ARHGEF3: variants seen among roughly 807,000 people sequenced by gnomAD.
The protein encoded by ARHGEF3 is 59.8 kDA protein.
ARHGEF3 carries 28 observed loss-of-function variants against 63.2 expected under a neutral mutation model. The observed-to-expected ratio is 0.44, with a 90% CI of 0.33 to 0.61. The LOEUF (loss-of-function observed/expected upper bound fraction) is 0.61. Among genes scored for constraint, ARHGEF3 ranks in the 20% least tolerant of loss-of-function variants. ARHGEF3 has a pLI of 0.03. For missense variants in ARHGEF3, 533 were observed against 659.3 expected, an observed-to-expected ratio of 0.81 and a Z score of 2.10; for synonymous variants, 266 against 254.2, an observed-to-expected ratio of 1.05 and a Z score of -0.44.
intron 2 of ARHGEF3, among the ~76,000 whole-genome samples, chr3:56,982,556 G>C (rs1701365764): frequency 1.3e-5 from 2 of 152,144 alleles, no homozygotes; most frequent in Admixed American, 6.5e-5. Context: ...AGCACCATCA[G>C]ACCTACCCTA....
Position 56,755,073 on chromosome 3 carries a change from T to C in ARHGEF3, c.283A>G (p.Ser95Gly). 1 of 1,614,054 alleles carries C rather than the reference T, an allele frequency of 6.2e-7. No homozygotes were observed. Among genetic ancestry groups the C allele is most frequent in the Non-Finnish European group, 8.5e-7 (1 of 1,180,014 alleles). Residue 95 changes from serine (S) to glycine (G), a missense_variant, in exon 3 of 10, where the codon AGC (serine) becomes GGC (glycine). Transcript: ENST00000296315. ...AGCTTGCTATCTCTCCGTTTCGTGC[T>C]CGAGGGGGCGGCATTTCTGGACCAG... The part of the protein sequence containing the change: ...RPWSRNAAPS[S>G]TKRRDSKLWS...
At chr3:56,918,169 T>G (rs1578840818) in intron 3 of ARHGEF3, among the ~76,000 whole-genome samples, 1 of 152,160 alleles carries the variant, frequency 6.6e-6, no homozygotes, top group East Asian at 1.9e-4. Context: ...TAGCTAGCTT[T>G]GGGGACAATT....
At chr3:56,983,764 T>C (rs1172337643) in intron 2 of ARHGEF3, among the ~76,000 whole-genome samples, 3 of 152,020 alleles carry the variant, frequency 2.0e-5, no homozygotes, top group Non-Finnish European at 2.9e-5. Context: ...GGTGAAACCC[T>C]GTCTCTACTA....
At chr3:56,759,752 C>A (rs2035314885) in intron 2 of ARHGEF3, among the ~76,000 whole-genome samples, 1 of 151,854 alleles carries the variant, frequency 6.6e-6, no homozygotes, top group Admixed American at 6.6e-5. Flanking sequence ...TGCTGTGTTG[C>A]CCAGGTTGGT....
At chr3:56,885,131 G>A (rs1453791034) in intron 3 of ARHGEF3, among the ~76,000 whole-genome samples, 3 of 152,172 alleles carry the variant, frequency 2.0e-5, no homozygotes, top group East Asian at 1.9e-4. Flanking sequence ...TCAGCAACAC[G>A]TGCTGGGCAA....
intron 4 of ARHGEF3, among the ~76,000 whole-genome samples, chr3:56,828,509 G>A (rs950873955): frequency 3.3e-5 from 5 of 152,018 alleles, no homozygotes; most frequent in Admixed American, 1.3e-4. Context: ...ACTCTACCCT[G>A]GGTGACAGAG....
In ARHGEF3 at chr3:56,733,984, C is replaced by CAAA. The variant is rs777924213; in HGVS notation, c.1042-1563_1042-1561dup. Among the ~76,000 whole-genome samples, 159 of 54,902 alleles carry CAAA rather than the reference C, an allele frequency of 2.9e-3. 2 individuals are homozygous for CAAA. Among genetic ancestry groups the CAAA allele is most frequent in the South Asian group, 9.6e-3 (14 of 1,464 alleles). The allele number at this position is 54,902 out of a possible 152,430, so 36.0% of individuals were successfully genotyped here. On this transcript the variant is annotated intron_variant, in intron 8 of 9. Coordinates refer to ENST00000296315, the MANE Select transcript of ARHGEF3 (RefSeq NM_019555.3). The stretch of plus-strand genomic sequence containing the variant: ...GGGCGACAAAAGCAAAATTCTGTCT[C>CAAA]AAAAAAAAAAAAAAAAAAAAAAAAA...
chr3:56,839,023 C>T (rs1309601184), intron 4 of ARHGEF3, among the ~76,000 whole-genome samples: 1 of 152,044 alleles, frequency 6.6e-6, no homozygotes, highest in Non-Finnish European at 1.5e-5. Context: ...CCTGTAGTCC[C>T]AGCTACTCAG....
intron 2 of ARHGEF3, among the ~76,000 whole-genome samples, chr3:56,969,600 A>G (rs1700817230): frequency 6.6e-6 from 1 of 152,028 alleles, no homozygotes; most frequent in African/African-American, 2.4e-5. Flanking sequence ...GTGAAATCCC[A>G]TATCTACTAA....
intron 8 of ARHGEF3, among the ~76,000 whole-genome samples, chr3:56,736,641 G>T (rs1362540581): frequency 6.6e-6 from 1 of 152,116 alleles, no homozygotes; most frequent in Non-Finnish European, 1.5e-5. Flanking sequence ...TCAAAGCCAA[G>T]ATCAGACAAA....
At chr3:57,069,376 A>AACACACACAC (rs147675971) in intron 1 of ARHGEF3, among the ~76,000 whole-genome samples, 346 of 146,462 alleles carry the variant, frequency 2.4e-3, no homozygotes, top group African/African-American at 5.2e-3. Flanking sequence ...CTGTCTCTCA[A>AACACACACAC]ACACACACAC....
intron 1 of ARHGEF3, among the ~76,000 whole-genome samples, chr3:56,794,370 C>G (rs564528779): frequency 1.1e-4 from 17 of 151,852 alleles, no homozygotes; most frequent in African/African-American, 4.1e-4. Context: ...TGCCTGTAAT[C>G]CCAGCTACTC....
At chr3:56,762,487 T>C (rs1578441730) in intron 2 of ARHGEF3, among the ~76,000 whole-genome samples, 1 of 151,318 alleles carries the variant, frequency 6.6e-6, no homozygotes, top group South Asian at 2.1e-4. Flanking sequence ...CTGCCGGGGG[T>C]TGGGGGACGG....
chr3:56,829,029 C>A (rs529447523), intron 4 of ARHGEF3, among the ~76,000 whole-genome samples: 1 of 152,120 alleles, frequency 6.6e-6, no homozygotes, highest in Non-Finnish European at 1.5e-5. Context: ...CGGGTTCAAG[C>A]GATTCTCCTG....
intron 2 of ARHGEF3, among the ~76,000 whole-genome samples, chr3:56,989,946 A>G (rs1266926076): frequency 6.6e-6 from 1 of 152,236 alleles, no homozygotes; most frequent in Non-Finnish European, 1.5e-5. Context: ...ACTTCAAAGT[A>G]ATCCTCATGA....
Position 56,789,296 on chromosome 3 carries a change from T to A in ARHGEF3, c.96+12407A>T, listed in dbSNP as rs369076135. Among the ~76,000 whole-genome samples, 294 of 152,254 alleles carry A rather than the reference T, an allele frequency of 1.9e-3. 3 individuals carry two copies. Among genetic ancestry groups the A allele is most frequent in the Middle Eastern group, 0.014 (4 of 294 alleles). ...CAGTACATTCTAGGGCTGACTCCAA[T>A]TAAAGTGTAATCTCACCCAATCCTT... is the stretch of plus-strand genomic sequence containing the variant. On this transcript the variant is annotated intron_variant, in intron 1 of 9. Coordinates refer to ENST00000296315, the MANE Select transcript of ARHGEF3 (RefSeq NM_019555.3).
At chr3:57,072,239 A>T (rs530953995) in intron 1 of ARHGEF3, among the ~76,000 whole-genome samples, 112 of 152,322 alleles carry the variant, frequency 7.4e-4, no homozygotes, top group Middle Eastern at 3.4e-3. Flanking sequence ...GAGTTACCAT[A>T]TACCTAGCAA....
chr3:56,998,532 T>C (rs1702075990), intron 2 of ARHGEF3, among the ~76,000 whole-genome samples: 1 of 152,034 alleles, frequency 6.6e-6, no homozygotes, highest in Non-Finnish European at 1.5e-5. Context: ...TGAATGGTGC[T>C]ATGAGCTCCT....
At chr3:56,918,520 G>A (rs1400876995) in intron 3 of ARHGEF3, among the ~76,000 whole-genome samples, 2 of 152,208 alleles carry the variant, frequency 1.3e-5, no homozygotes, top group Admixed American at 1.3e-4. Context: ...TAGCAGTGGA[G>A]CAGGGAGGGG....
Sources: gnomAD v4.1 joint callset for allele counts (sites outside exome capture counted in the v4.1 genomes callset) on GRCh38, gnomAD v4.1.1 for gene constraint, MANE v1.5 for transcripts, NCBI Gene and HGNC (gene_info 2026-07-23, HGNC 2026-07-21) for gene names.